PHLPP1: variants seen among roughly 807,000 people sequenced by gnomAD.
PHLPP1 encodes PH domain leucine-rich repeat-containing protein phosphatase 1.
PHLPP1 carries 42 observed loss-of-function variants against 117.2 expected under a neutral mutation model. The ratio of observed to expected loss-of-function variants is 0.36; its 90% CI spans 0.28 to 0.46. The LOEUF (loss-of-function observed/expected upper bound fraction) is 0.46. Ranked by LOEUF, PHLPP1 falls within the 20% of genes least tolerant of loss-of-function variation. The pLI is 1.00. For missense variants in PHLPP1, 2,084 were observed against 2,241.9 expected, an observed-to-expected ratio of 0.93 and a Z score of 1.42; for synonymous variants, 1,042 against 970.7, an observed-to-expected ratio of 1.07 and a Z score of -1.37.
intron 14 of PHLPP1, among the ~76,000 whole-genome samples, chr18:62,971,360 TATTTTTTTTTTTTCCCA>T (rs1276313363): frequency 2.0e-5 from 3 of 150,992 alleles, no homozygotes; most frequent in Admixed American, 6.6e-5. Flanking sequence ...GTCCTGGCCT[TATTTTTTTTTTTTCCCA>T]GTCTTTTTTT....
chr18:62,754,739 C>T (rs941841059), intron 1 of PHLPP1, among the ~76,000 whole-genome samples: 4 of 152,300 alleles, frequency 2.6e-5, no homozygotes, highest in Non-Finnish European at 5.9e-5. Flanking sequence ...ATATATACAA[C>T]ATACCAGATT....
chr18:62,844,198 A>G (rs1052175526), intron 3 of PHLPP1, among the ~76,000 whole-genome samples: 2 of 152,068 alleles, frequency 1.3e-5, no homozygotes, highest in Non-Finnish European at 2.9e-5. Flanking sequence ...TTAGCTGGGC[A>G]TGATGGTGGG....
Position 62,978,848 on chromosome 18 carries a change from C to T in PHLPP1, c.4571C>T (p.Ser1524Phe). 1.2e-6 allele frequency: 2 copies of T among 1,607,682 alleles called. No homozygotes were observed. The highest frequency in any genetic ancestry group is 1.7e-6 in the Non-Finnish European group (2 of 1,177,162). The change falls in exon 17 of 17, where the codon TCC becomes TTC. Residue 1524 changes from serine (S) to phenylalanine (F), a missense_variant. Around this residue, in one of 2 missense-constraint regions of PHLPP1, gnomAD observed 1,365 missense variants for 1,605.9 expected, o/e 0.85. Coordinates refer to ENST00000262719, the MANE Select transcript of PHLPP1 (RefSeq NM_194449.4). The surrounding 1 kb of genome is among the most constrained non-coding windows in gnomAD (Gnocchi z 7.0). ...TGCATGCTCCACCCCATCTGTCTGT[C>T]CAACTCCTTCCAGCGCCAGCTATCC... The part of the protein sequence containing the change: ...QRCMLHPICL[S>F]NSFQRQLSSA...
In PHLPP1 at chr18:62,978,556, G is replaced by C; in HGVS notation, c.4279G>C (p.Asp1427His). The C allele has an allele frequency of 6.2e-7, 1 of 1,612,574 alleles. No homozygotes were observed. Among genetic ancestry groups the C allele is most frequent in the South Asian group, 1.1e-5 (1 of 90,826 alleles). ...AVVVQLSVTE[D>H]SFCCCELSAG... ...GGTGGTGCAGCTCAGTGTCACTGAG[G>C]ACAGCTTCTGCTGCTGCGAGCTCAG... Residue 1427 changes from aspartate to histidine, a missense_variant, in exon 17 of 17, where the codon GAC (aspartate) becomes CAC (histidine). Coordinates refer to ENST00000262719, the MANE Select transcript of PHLPP1 (RefSeq NM_194449.4). This position sits in a 1 kb window ranked among gnomAD's most constrained non-coding sequence, Gnocchi z 7.0.
intron 1 of PHLPP1, among the ~76,000 whole-genome samples, chr18:62,823,592 TTATATATCTACATAAATA>T (rs71160871): frequency 6.8e-6 from 1 of 147,254 alleles, no homozygotes. Context: ...TCTACATATA[TTATATATCTACATAAATA>T]TATATATCTA....
chr18:62,952,469 C>T (rs1910491518), intron 12 of PHLPP1, among the ~76,000 whole-genome samples: 1 of 152,072 alleles, frequency 6.6e-6, no homozygotes, highest in Non-Finnish European at 1.5e-5. Context: ...AAGGTTTCTT[C>T]TAGGCTTCCC....
At position 62,716,088 on chromosome 18, in the gene PHLPP1, G is replaced by A. The variant is rs1017264651; in HGVS notation, c.405G>A (p.Ala135=). 30 of 1,492,974 alleles carry A rather than the reference G, an allele frequency of 2.0e-5. No homozygotes were observed. Among genetic ancestry groups the A allele is most frequent in the Middle Eastern group, 2.1e-4 (1 of 4,792 alleles). 92.5% of individuals were successfully genotyped at this position (1,492,974 alleles called of 1,614,324 possible). The change falls in exon 1 of 17, where the codon GCG becomes GCA. Residue 135 remains alanine (A), a synonymous_variant. Coordinates refer to ENST00000262719, the MANE Select transcript of PHLPP1 (RefSeq NM_194449.4). This position sits in a 1 kb window ranked among gnomAD's most constrained non-coding sequence, Gnocchi z 5.7. ...RLKRNLSAAA[A]AASSSSSSSA... ...AGAGGAATCTGTCCGCGGCCGCCGC[G>A]GCCGCCTCCTCGTCGTCGTCGTCCT...
Position 62,979,346 on chromosome 18 carries a change from C to T in PHLPP1, c.5069C>T (p.Pro1690Leu), listed in dbSNP as rs560569277. The change falls in exon 17 of 17, where the codon CCG (proline) becomes CTG (leucine). Residue 1690 changes from proline to leucine, a missense_variant. Pro to Leu is a moderately conservative substitution (Grantham distance 98). Coordinates refer to ENST00000262719, the MANE Select transcript of PHLPP1 (RefSeq NM_194449.4). ...CAGGAGCAACAGCAGCAGCAGCAGC[C>T]GCCACCACCCCCTCAGCTCCAGCCG... ...HHQEQQQQQQPPPPPQLQPQL... is the reference protein window; with the variant it reads ...HHQEQQQQQQLPPPPQLQPQL... 45 of 1,547,432 alleles carry T rather than the reference C, an allele frequency of 2.9e-5. No individual in the cohort carries two copies. Among genetic ancestry groups the T allele is most frequent in the Admixed American group, 5.9e-5 (3 of 50,996 alleles).
At chr18:62,815,933 C>A (rs1018017260) in intron 1 of PHLPP1, among the ~76,000 whole-genome samples, 4 of 152,148 alleles carry the variant, frequency 2.6e-5, no homozygotes, top group African/African-American at 9.7e-5. Flanking sequence ...CTAAAACAGA[C>A]ATTTTTCTGT....
At chr18:62,947,368 T>C (rs1203302527) in intron 12 of PHLPP1, among the ~76,000 whole-genome samples, 1 of 152,266 alleles carries the variant, frequency 6.6e-6, no homozygotes, top group East Asian at 1.9e-4. Flanking sequence ...ATATGTGATG[T>C]TGATTATATA....
At chr18:62,752,361 A>G (rs1214742617) in intron 1 of PHLPP1, among the ~76,000 whole-genome samples, 1 of 152,238 alleles carries the variant, frequency 6.6e-6, no homozygotes, top group Non-Finnish European at 1.5e-5. Context: ...TAAAATCTAA[A>G]CAGGAAGATA....
intron 1 of PHLPP1, among the ~76,000 whole-genome samples, chr18:62,820,036 AAT>A (rs1250823802): frequency 6.6e-6 from 1 of 152,238 alleles, no homozygotes; most frequent in Non-Finnish European, 1.5e-5. Flanking sequence ...TTGTAAGAAA[AAT>A]AGAGTGGCTA....
intron 4 of PHLPP1, among the ~76,000 whole-genome samples, chr18:62,888,187 T>C (rs186359067): frequency 1.8e-4 from 27 of 152,344 alleles, no homozygotes; most frequent in African/African-American, 6.3e-4. Flanking sequence ...TCCACTTATC[T>C]ATGTTGAACA....
At chr18:62,937,702 G>A (rs1396330216) in intron 10 of PHLPP1, among the ~76,000 whole-genome samples, 3 of 152,066 alleles carry the variant, frequency 2.0e-5, no homozygotes, top group Non-Finnish European at 4.4e-5. Context: ...CTGGGGTGAT[G>A]GAAAAATCAA....
chr18:62,761,994 C>G (rs1333611421), intron 1 of PHLPP1, among the ~76,000 whole-genome samples: 1 of 152,108 alleles, frequency 6.6e-6, no homozygotes, highest in African/African-American at 2.4e-5. Context: ...TGATCTTAAA[C>G]CTAATGAAGA....
chr18:62,955,313 G>A (rs939396299), intron 12 of PHLPP1, among the ~76,000 whole-genome samples: 1 of 152,198 alleles, frequency 6.6e-6, no homozygotes, highest in Non-Finnish European at 1.5e-5. Context: ...GAGGAGTTTG[G>A]TGTCGGGTTG....
rs149546041 is a variant in PHLPP1, at chr18:62,879,514, C to T, written c.2067-15497C>T. ...GCAACCTCCGCCTCCTGGGTTCAAG[C>T]GATTCTCCCACCTCCGCCTCCTGAG... On this transcript the variant is annotated intron_variant, in intron 4 of 16. Coordinates refer to ENST00000262719, the MANE Select transcript of PHLPP1 (RefSeq NM_194449.4). Among the ~76,000 whole-genome samples the T allele has an allele frequency of 1.4e-3, 211 of 152,070 alleles. 1 individual carries two copies. Among genetic ancestry groups the T allele is most frequent in the Non-Finnish European group, 2.2e-3 (147 of 67,988 alleles).
intron 1 of PHLPP1, among the ~76,000 whole-genome samples, chr18:62,776,160 G>T (rs1034994581): frequency 8.5e-5 from 13 of 152,164 alleles, no homozygotes; most frequent in Non-Finnish European, 2.9e-5. Context: ...TGACAGGCTG[G>T]AAACTCATGT....
At chr18:62,838,621 A>G in intron 2 of PHLPP1, 163 bp from the exon 3 acceptor site, 1 of 577,512 alleles carries the variant, frequency 1.7e-6, no homozygotes, top group Non-Finnish European at 2.9e-6. Context: ...TTGTAATTCA[A>G]ATTGGGTGAT....
Sources: gnomAD v4.1 joint callset for allele counts (sites outside exome capture counted in the v4.1 genomes callset) on GRCh38, gnomAD v4.1.1 for gene constraint, gnomAD v4.1.1 regional missense constraint, Gnocchi (gnomAD v3.1) non-coding constraint, MANE v1.5 for transcripts, NCBI Gene and HGNC (gene_info 2026-07-23, HGNC 2026-07-21) for gene names.